Variants in KDM6B observed in about 807,000 individuals in gnomAD.
The protein encoded by KDM6B is lysine demethylase 6B, also known as lysine-specific demethylase 6B.
Under a neutral mutation model 150.4 loss-of-function variants are expected in KDM6B, and 22 were observed. The observed-to-expected ratio is 0.15, with a 90% CI of 0.10 to 0.21. The LOEUF (loss-of-function observed/expected upper bound fraction) is 0.21, where lower values mean the gene tolerates loss of function less well. Among genes scored for constraint, KDM6B ranks in the 10% least tolerant of loss-of-function variants. The pLI is 1.00. For missense variants in KDM6B, 1,984 were observed against 2,234.3 expected (o/e 0.89, Z 2.26); for synonymous variants, 1,148 against 921.1 (o/e 1.25, Z -4.46).
chr17:7,837,703 G>GA (rs1014430092), intron 1 of KDM6B, among the ~76,000 whole-genome samples: 17 of 152,022 alleles, frequency 1.1e-4, no homozygotes, highest in African/African-American at 4.1e-4. Context: ...CCGCTGGGAG[G>GA]AAAAAAATGA....
chr17:7,853,253 G>A lies in KDM6B; in HGVS notation c.4781G>A (p.Ser1594Asn). ...CTGTTCGTGACAAGTGAGAATGGCA[G>A]CCGCAACACGTACCTGGTACACTGC... ...NILFVTSENG[S>N]RNTYLVHCEG... Residue 1594 changes from serine (S) to asparagine (N), a missense_variant, in exon 23 of 24, where the codon AGC becomes AAC. Physicochemically the swap from Ser to Asn is conservative, Grantham distance 46. Coordinates refer to ENST00000448097, the MANE Select transcript of KDM6B (RefSeq NM_001348716.2). The A allele has an allele frequency of 6.2e-7, 1 of 1,611,138 alleles. No individual in the cohort carries two copies. Among genetic ancestry groups the A allele is most frequent in the Non-Finnish European group, 8.5e-7 (1 of 1,179,038 alleles).
chr17:7,854,417 A>T lies in KDM6B; in HGVS notation c.*896A>T, dbSNP rs1235728185. ...TGAAATGGTATTTTGTAAAAAAAAT[A>T]AATAAAATAAAAAAATTAAAGGTTT... On this transcript the variant is annotated 3_prime_UTR_variant, in exon 24 of 24. Transcript: ENST00000448097. 6.6e-6 allele frequency: 1 copy of T among 150,842 alleles called. No individual in the cohort carries two copies. The highest frequency in any genetic ancestry group is 1.5e-5 in the Non-Finnish European group (1 of 67,330). 9.3% of individuals were successfully genotyped at this position (150,842 alleles called of 1,614,324 possible).
chr17:7,842,696 C>T (rs1420913311), intron 2 of KDM6B, among the ~76,000 whole-genome samples: 2 of 152,114 alleles, frequency 1.3e-5, no homozygotes, highest in African/African-American at 2.4e-5. Context: ...TCCGCGGGAC[C>T]GGTGGTGAGC....
At chr17:7,839,010 C>T (rs556082751) in intron 1 of KDM6B, among the ~76,000 whole-genome samples, 38 of 152,132 alleles carry the variant, frequency 2.5e-4, no homozygotes, top group South Asian at 4.1e-4. Context: ...GGATGGGGGC[C>T]GGAAGGCTAG....
rs2078547738 is a variant in KDM6B, at chr17:7,846,725, C to T, written c.696C>T (p.Gly232=). The T allele has an allele frequency of 1.2e-6, 2 of 1,613,992 alleles. No homozygotes were observed. Among genetic ancestry groups the T allele is most frequent in the Admixed American group, 1.7e-5 (1 of 60,002 alleles). The change falls in exon 9 of 24, where the codon GGC becomes GGT. Residue 232 remains glycine (G), a synonymous_variant. Coordinates refer to ENST00000448097, the MANE Select transcript of KDM6B (RefSeq NM_001348716.2). ...GLSPGGKRRR[G]CNSEQTGLPP... ...GCCCTGGAGGCAAGCGAAGGAGAGG[C>T]TGCAACTCTGAACAGGTGTGGGTAT...
chr17:7,849,237 T>C lies in KDM6B; in HGVS notation c.2949T>C (p.His983=). Residue 983 remains histidine (H), a synonymous_variant, in exon 12 of 24, where the codon CAT becomes CAC. Coordinates refer to ENST00000448097, the MANE Select transcript of KDM6B (RefSeq NM_001348716.2). ...KRRQKEHQKE[H]RRHRRACKDS... Reference sequence around the variant, plus strand: ...GACAGAAGGAGCATCAGAAGGAGCATCGGCGGCACAGGCGGGCCTGTAAGG... The same window carrying C: ...GACAGAAGGAGCATCAGAAGGAGCACCGGCGGCACAGGCGGGCCTGTAAGG... The C allele has an allele frequency of 1.3e-6, 2 of 1,576,584 alleles. No homozygotes were observed. Among genetic ancestry groups the C allele is most frequent in the Non-Finnish European group, 1.7e-6 (2 of 1,160,456 alleles).
At chr17:7,834,673 G>A (rs1487868127) in intron 1 of KDM6B, among the ~76,000 whole-genome samples, 1 of 152,016 alleles carries the variant, frequency 6.6e-6, no homozygotes, top group Admixed American at 6.5e-5. Context: ...CTGAAGGGCA[G>A]GACTAAAGGG....
chr17:7,849,556 C>T lies in KDM6B; in HGVS notation c.3268C>T (p.Leu1090=), dbSNP rs768340970. 10 of 1,612,736 alleles carry T rather than the reference C, an allele frequency of 6.2e-6. No individual in the cohort carries two copies. The highest frequency in any genetic ancestry group is 3.3e-5 in the Admixed American group (2 of 59,998). The change falls in exon 12 of 24, where the codon CTG becomes TTG. Residue 1090 remains leucine, a synonymous_variant. Coordinates refer to ENST00000448097, the MANE Select transcript of KDM6B (RefSeq NM_001348716.2). ...GPPGVSRADM[L]KLRSLSEGPP... ...ACCGGGTGTCAGCCGGGCCGACATG[C>T]TGAAGCTGCGCTCACTTAGTGAGGG...
intron 2 of KDM6B, among the ~76,000 whole-genome samples, chr17:7,841,012 T>C (rs2078406111): frequency 6.6e-6 from 1 of 152,142 alleles, no homozygotes; most frequent in Non-Finnish European, 1.5e-5. Flanking sequence ...GTGGTAAGAA[T>C]GTGGCTCTGG....
At chr17:7,853,453 C>T (rs1279551437) in intron 23 of KDM6B, 45 bp from the exon 24 acceptor site, 3 of 1,512,314 alleles carry the variant, frequency 2.0e-6, no homozygotes, top group Admixed American at 2.1e-5. Flanking sequence ...CTTCGGGAGC[C>T]CGGCCGCGCC....
Position 7,846,512 on chromosome 17 carries a change from G to A in KDM6B, c.549+20G>A. 6.2e-7 allele frequency: 1 copy of A among 1,614,028 alleles called. No homozygotes were observed. Among genetic ancestry groups the A allele is most frequent in the Non-Finnish European group, 8.5e-7 (1 of 1,179,948 alleles). On this transcript the variant is annotated intron_variant, in intron 8 of 23. Transcript: ENST00000448097. ...CTTGAGGTGAGGCTGGCACTGGGTG[G>A]GTTAGGGAGGAGAGCCAGGCTGTGC...
Position 7,851,057 on chromosome 17 carries a change from C to T in KDM6B, c.3710C>T (p.Ala1237Val), listed in dbSNP as rs374474605. Residue 1237 changes from alanine (A) to valine (V), a missense_variant, in exon 15 of 24, where the codon GCG becomes GTG. Coordinates refer to ENST00000448097, the MANE Select transcript of KDM6B (RefSeq NM_001348716.2). ...GLFSTKTLVEASGEHTVEVRT... is the reference protein window; with the variant it reads ...GLFSTKTLVEVSGEHTVEVRT... ...TTCTCCACCAAGACCCTGGTGGAAG[C>T]GAGTGGCGAACACACCGTGGAAGTT... 2.8e-5 allele frequency: 45 copies of T among 1,612,444 alleles called. No homozygotes were observed. The highest frequency in any genetic ancestry group is 3.7e-5 in the Non-Finnish European group (44 of 1,179,594).
chr17:7,846,548 G>C (rs2078542395), intron 8 of KDM6B, 31 bp from the exon 9 acceptor site: 1 of 1,613,946 alleles, frequency 6.2e-7, no homozygotes, highest in African/African-American at 1.3e-5. Flanking sequence ...CTGCACCCGT[G>C]CCATTTTCTC....
chr17:7,845,057 T>A lies in KDM6B; in HGVS notation c.-149+37T>A, dbSNP rs533242160. ...CTGCGTTTTGGGTCGGCCCAGTGGC[T>A]CCGGACTGGAAGCCTGGCAGCGCAG... On this transcript the variant is annotated intron_variant, in intron 3 of 23. Coordinates refer to ENST00000448097, the MANE Select transcript of KDM6B (RefSeq NM_001348716.2). 200 of 228,372 alleles carry A rather than the reference T, an allele frequency of 8.8e-4. 4 individuals carry two copies. The highest frequency in any genetic ancestry group is 7.5e-3 in the South Asian group (143 of 18,980). The allele number at this position is 228,372 out of a possible 1,614,324, so 14.1% of individuals were successfully genotyped here.
In KDM6B at chr17:7,853,610, G is replaced by A; in HGVS notation, c.*89G>A. The A allele has an allele frequency of 9.7e-7, 1 of 1,027,764 alleles. No homozygotes were observed. The highest frequency in any genetic ancestry group is 1.3e-6 in the Non-Finnish European group (1 of 780,924). 63.7% of individuals were successfully genotyped at this position (1,027,764 alleles called of 1,614,324 possible). ...GGGCTGGACCTAGGTCCCGCCTGTG[G>A]CCGAGAAGGGGGTCGGGCCCAGCCC... is the stretch of plus-strand genomic sequence containing the variant. On this transcript the variant is annotated 3_prime_UTR_variant, in exon 24 of 24. Coordinates refer to ENST00000448097, the MANE Select transcript of KDM6B (RefSeq NM_001348716.2).
In KDM6B at chr17:7,847,302, GATGGA is replaced by G. The variant is rs1332850510; in HGVS notation, c.1108_1112del (p.Met370LeufsTer32). The G allele has an allele frequency of 2.5e-6, 4 of 1,606,992 alleles. No homozygotes were observed. In the Admixed American group the frequency reaches 6.7e-5, roughly 27 times the overall value. On this transcript the variant is annotated frameshift_variant, in exon 11 of 24. Coordinates refer to ENST00000448097, the MANE Select transcript of KDM6B (RefSeq NM_001348716.2). LOFTEE classifies it high-confidence loss of function. ...GAGAGAGCAGAGTTCAGAGGTCGCGGATGGACTCCAGCGTTTCACCAGCAGCAACC... is the reference window on the plus strand; with the variant it reads ...GAGAGAGCAGAGTTCAGAGGTCGCGGCTCCAGCGTTTCACCAGCAGCAACC...
At position 7,843,712 on chromosome 17, in the gene KDM6B, A is replaced by G. The variant is rs1018233052; in HGVS notation, c.-268-1189A>G. 4.0e-5 allele frequency among the ~76,000 whole-genome samples: 6 copies of G among 150,684 alleles called. No homozygotes were observed. The highest frequency in any genetic ancestry group is 7.4e-5 in the Non-Finnish European group (5 of 67,704). ...CCGCCCCCGCGGCTTTGTACTCGAC[A>G]CTCGCCTCTCGCTGCTCTTTGTACT... On this transcript the variant is annotated intron_variant, in intron 2 of 23. Transcript: ENST00000448097. The surrounding 1 kb of genome is among the most constrained non-coding windows in gnomAD (Gnocchi z 4.5).
rs1211211551 is a variant in KDM6B at position 7,845,310 on chromosome 17, C to G, written c.-148-4C>G. ...CTCGTCTCACTCCTTTTCCTTCTCTCTAGAATTGGCTGTGAAAGGACTGAG... is the reference window on the plus strand; with the variant it reads ...CTCGTCTCACTCCTTTTCCTTCTCTGTAGAATTGGCTGTGAAAGGACTGAG... On this transcript the variant is annotated splice_region_variant and splice_polypyrimidine_tract_variant and intron_variant, in intron 3 of 23. Transcript: ENST00000448097. 1.6e-6 allele frequency: 1 copy of G among 614,660 alleles called. No homozygotes were observed. The highest frequency in any genetic ancestry group is 2.8e-5 in the East Asian group (1 of 36,118). 38.1% of individuals were successfully genotyped at this position (614,660 alleles called of 1,614,324 possible).
rs756544042 is a variant in KDM6B, at chr17:7,845,895, C to A, written c.161C>A (p.Pro54His). 4 of 1,613,934 alleles carry A rather than the reference C, an allele frequency of 2.5e-6. No homozygotes were observed. Among genetic ancestry groups the A allele is most frequent in the Middle Eastern group, 1.6e-4 (1 of 6,062 alleles). ...GGRCSASIGQ[P>H]PLPAPLPPSH... ...AGATGCTCAGCCAGCATTGGGCAGC[C>A]CCCGCTTCCTGCTCCCCTACCCCCT... The change falls in exon 6 of 24, where the codon CCC becomes CAC. Residue 54 changes from proline (P) to histidine (H), a missense_variant. Physicochemically the swap from Pro to His is moderately conservative, Grantham distance 77 (BLOSUM62 -2). Transcript: ENST00000448097.
Sources: gnomAD v4.1 joint callset for allele counts (sites outside exome capture counted in the v4.1 genomes callset) on GRCh38, gnomAD v4.1.1 for gene constraint, Gnocchi (gnomAD v3.1) non-coding constraint, MANE v1.5 for transcripts, NCBI Gene and HGNC (gene_info 2026-07-23, HGNC 2026-07-21) for gene names.